The following MTAP variants were observed in gnomAD, a reference collection of about 807,000 sequenced individuals.
MTAP encodes S-methyl-5'-thioadenosine phosphorylase.
Under a neutral mutation model 33.6 loss-of-function variants are expected in MTAP, and 33 were observed. The observed-to-expected ratio is 0.98, with a 90% CI of 0.74 to 1.31. The LOEUF is 1.31. MTAP is among the 40% of genes most tolerant of loss of function. The pLI, the probability that MTAP is intolerant of heterozygous loss-of-function variation, is 0.00. For synonymous variants in MTAP, 148 were observed against 125.7 expected (o/e 1.18, Z -1.19); for missense variants, 367 against 360.0 (o/e 1.02, Z -0.16).
chr9:21,873,998 A>G (rs959753781), intron 1 of MTAP, among the ~76,000 whole-genome samples: 2 of 152,292 alleles, frequency 1.3e-5, no homozygotes, highest in South Asian at 2.1e-4. Context: ...AGTTTTATAG[A>G]TGACTCAGTC....
chr9:21,865,598 G>C lies in MTAP; in HGVS notation c.*3584G>C, dbSNP rs138317465. 7.1e-5 allele frequency: 70 copies of C among 986,186 alleles called. No individual in the cohort carries two copies. Among genetic ancestry groups the C allele is most frequent in the Admixed American group, 1.2e-4 (2 of 16,278 alleles). The allele number at this position is 986,186 out of a possible 1,614,324, so 61.1% of individuals were successfully genotyped here. On this transcript the variant is annotated 3_prime_UTR_variant, in exon 8 of 8. Coordinates refer to ENST00000644715, the MANE Select transcript of MTAP (RefSeq NM_002451.4). ...TAATAGTATAGAATAATTCAAGATA[G>C]GCAAGAAGGACAGCAGTAAATGAAG... is the stretch of plus-strand genomic sequence containing the variant.
chr9:21,811,399 A>G (rs576074370), intron 1 of MTAP, among the ~76,000 whole-genome samples: 1 of 152,328 alleles, frequency 6.6e-6, no homozygotes, highest in Admixed American at 6.5e-5. Flanking sequence ...AAATGCTTTC[A>G]CAGTCTCAGA....
chr9:21,923,466 T>G (rs1358888676), intron 1 of MTAP, among the ~76,000 whole-genome samples: 1 of 152,348 alleles, frequency 6.6e-6, no homozygotes, highest in East Asian at 1.9e-4. Context: ...AGATTCCTCT[T>G]TATGTCAAGA....
intron 1 of MTAP, among the ~76,000 whole-genome samples, chr9:21,918,274 C>A (rs1818726618): frequency 8.7e-6 from 1 of 115,210 alleles, no homozygotes; most frequent in African/African-American, 4.6e-5. Context: ...GGCGTGAACC[C>A]GGGAGGCGGA....
At chr9:21,899,677 A>G (rs1818357511) in intron 1 of MTAP, among the ~76,000 whole-genome samples, 1 of 152,138 alleles carries the variant, frequency 6.6e-6, no homozygotes, top group Non-Finnish European at 1.5e-5. Flanking sequence ...AGACTCACTC[A>G]TTGTCATGAG....
chr9:21,811,274 T>C lies in MTAP; in HGVS notation c.34-4159T>C, dbSNP rs138307151. 4.7e-3 allele frequency among the ~76,000 whole-genome samples: 717 copies of C among 152,284 alleles called. 5 individuals carry two copies. Among genetic ancestry groups the C allele is most frequent in the African/African-American group, 0.017 (686 of 41,558 alleles). ...AATGGTTTCTGGGACAAAGAAGGGT[T>C]GGTAAAATCTCCTGTAGCCAGGTAC... On this transcript the variant is annotated intron_variant, in intron 1 of 7. Coordinates refer to ENST00000644715, the MANE Select transcript of MTAP (RefSeq NM_002451.4).
intron 5 of MTAP, among the ~76,000 whole-genome samples, chr9:21,845,142 C>G (rs1825347332): frequency 6.6e-6 from 1 of 152,052 alleles, no homozygotes; most frequent in African/African-American, 2.4e-5. Context: ...TTCCCACTTT[C>G]ACCACTTCTG....
chr9:21,911,435 G>C (rs1818574578), intron 1 of MTAP, among the ~76,000 whole-genome samples: 1 of 152,150 alleles, frequency 6.6e-6, no homozygotes, highest in South Asian at 2.1e-4. Context: ...CTGTCTCTCA[G>C]ACCACAGTGC....
chr9:21,917,569 A>G (rs1473690323), intron 1 of MTAP, among the ~76,000 whole-genome samples: 3 of 152,224 alleles, frequency 2.0e-5, no homozygotes, highest in Admixed American at 1.3e-4. Context: ...AGGAATGGCC[A>G]TAATTAAAAA....
intron 5 of MTAP, among the ~76,000 whole-genome samples, chr9:21,847,811 T>C (rs1221736374): frequency 1.3e-5 from 2 of 152,132 alleles, no homozygotes; most frequent in Non-Finnish European, 2.9e-5. Context: ...AGAGCTGAAA[T>C]TGTGGAAAAA....
Position 21,864,989 on chromosome 9 carries a change from A to G in MTAP, c.*2975A>G. 3.0e-6 allele frequency: 3 copies of G among 985,456 alleles called. No individual in the cohort carries two copies. The highest frequency in any genetic ancestry group is 3.6e-6 in the Non-Finnish European group (3 of 829,932). 61.0% of individuals were successfully genotyped at this position (985,456 alleles called of 1,614,324 possible). ...TAGCCAGCACTTATCCAGTGAAACA[A>G]TTTGATAAGGTTTCAAGGAGTATCT... On this transcript the variant is annotated 3_prime_UTR_variant, in exon 8 of 8. Transcript: ENST00000644715.
chr9:21,941,008 C>T (rs2131063376), downstream of MTAP: 13 of 984,822 alleles, frequency 1.3e-5, no homozygotes, highest in Non-Finnish European at 1.6e-5. Context: ...AAAGACCAAA[C>T]ATATATTTGC....
intron 1 of MTAP, among the ~76,000 whole-genome samples, chr9:21,918,051 G>T (rs1006937173): frequency 6.6e-6 from 1 of 151,644 alleles, no homozygotes; most frequent in South Asian, 2.1e-4. Flanking sequence ...AGGATGCAAA[G>T]GCATAAGAGT....
chr9:21,854,720 G>T lies in MTAP; in HGVS notation c.540G>T (p.Arg180=), dbSNP rs1825595562. Reference sequence around the variant, plus strand: ...TCGAGGGACCTCGTTTTAGCTCCCGGGCAGAAAGCTTCATGTTCCGCACCT... The same window carrying T: ...TCGAGGGACCTCGTTTTAGCTCCCGTGCAGAAAGCTTCATGTTCCGCACCT... ...VTIEGPRFSS[R]AESFMFRTWG... The change falls in exon 6 of 8, where the codon CGG becomes CGT. Residue 180 remains arginine, a synonymous_variant. Transcript: ENST00000644715. 2 of 1,614,004 alleles carry T rather than the reference G, an allele frequency of 1.2e-6. No individual in the cohort carries two copies. The highest frequency in any genetic ancestry group is 1.7e-6 in the Non-Finnish European group (2 of 1,179,980).
chr9:21,827,738 G>A (rs929299365), intron 4 of MTAP, among the ~76,000 whole-genome samples: 10 of 152,186 alleles, frequency 6.6e-5, no homozygotes, highest in African/African-American at 2.2e-4. Flanking sequence ...TTGAGGGCTT[G>A]AACATAGTCA....
At chr9:21,819,863 G>A (rs575292490) in intron 4 of MTAP, among the ~76,000 whole-genome samples, 12 of 152,270 alleles carry the variant, frequency 7.9e-5, no homozygotes, top group South Asian at 6.2e-4. Context: ...TCTCATTGTG[G>A]TTTTGATTTG....
intron 1 of MTAP, among the ~76,000 whole-genome samples, chr9:21,894,806 G>C (rs150885972): frequency 2.3e-4 from 34 of 150,556 alleles, no homozygotes; most frequent in African/African-American, 6.8e-4. Context: ...TCCTGCATCT[G>C]ATTAAAAAAA....
chr9:21,855,116 A>G (rs1415117083), intron 6 of MTAP, among the ~76,000 whole-genome samples: 1 of 152,232 alleles, frequency 6.6e-6, no homozygotes, highest in Non-Finnish European at 1.5e-5. Flanking sequence ...GTTGAGAATC[A>G]TACTAAGACT....
At chr9:21,895,539 G>T (rs1389147878) in intron 1 of MTAP, among the ~76,000 whole-genome samples, 1 of 152,224 alleles carries the variant, frequency 6.6e-6, no homozygotes, top group Admixed American at 6.5e-5. Flanking sequence ...AATGCCAGGG[G>T]TCGGGAATTC....
Sources: allele counts gnomAD v4.1 joint callset (sites outside exome capture counted in the v4.1 genomes callset), GRCh38; gene constraint gnomAD v4.1.1; transcripts MANE v1.5; gene names NCBI Gene and HGNC (gene_info 2026-07-23, HGNC 2026-07-21).